The following PER3 variants were observed in gnomAD, a reference collection of about 807,000 sequenced individuals.
PER3 encodes period circadian regulator 3, also known as period circadian protein homolog 3.
Under a neutral mutation model 127.2 loss-of-function variants are expected in PER3, and 107 were observed. The ratio of observed to expected loss-of-function variants is 0.84; its 90% CI spans 0.72 to 0.99. The LOEUF is 0.99. Among genes scored for constraint, PER3 ranks in the 50% least tolerant of loss-of-function variants. The pLI is 0.00. For missense variants in PER3, 1,560 were observed against 1,525.8 expected, an observed-to-expected ratio of 1.02 and a Z score of -0.37; for synonymous variants, 618 against 585.8, an observed-to-expected ratio of 1.05 and a Z score of -0.79.
Position 7,827,738 on chromosome 1 carries a change from TTAC to T in PER3, c.2811_2813del (p.Leu937_Leu938delinsPhe). 1 of 1,614,052 alleles carries T rather than the reference TTAC, an allele frequency of 6.2e-7. No homozygotes were observed. The highest frequency in any genetic ancestry group is 8.5e-7 in the Non-Finnish European group (1 of 1,180,002). On this transcript the variant is annotated inframe_deletion, in exon 18 of 22. Coordinates refer to ENST00000377532, the MANE Select transcript of PER3 (RefSeq NM_001377275.1). ...AAGCAGCTCACCCTTGCAGTTAAAC[TTAC>T]TTCAGGAAGAGATGCCCAGACCCTC... is the stretch of plus-strand genomic sequence containing the variant.
intron 6 of PER3, among the ~76,000 whole-genome samples, chr1:7,797,768 T>C (rs2097152578): frequency 6.6e-6 from 1 of 152,092 alleles, no homozygotes; most frequent in South Asian, 2.1e-4. Context: ...AATGGATGAT[T>C]GGTAAAAGTT....
At chr1:7,814,208 T>C (rs1330265462) in intron 13 of PER3, among the ~76,000 whole-genome samples, 2 of 152,042 alleles carry the variant, frequency 1.3e-5, no homozygotes, top group Admixed American at 6.5e-5. Context: ...TCAGAAGAAA[T>C]AGTTGAAGAA....
chr1:7,816,416 G>A (rs11121029), intron 13 of PER3, among the ~76,000 whole-genome samples: 30,225 of 152,046 alleles, frequency 0.2, 3,196 homozygotes, highest in South Asian at 0.27. Context: ...TTATCTGAAA[G>A]GCACTGATAA....
chr1:7,806,229 C>T (rs142521336), intron 10 of PER3, among the ~76,000 whole-genome samples: 80 of 152,264 alleles, frequency 5.3e-4, no homozygotes, highest in African/African-American at 1.9e-3. Context: ...TCTCTCAGTC[C>T]TTCCCAGCAG....
intron 13 of PER3, among the ~76,000 whole-genome samples, chr1:7,815,724 G>A (rs997550751): frequency 2.6e-5 from 4 of 152,012 alleles, no homozygotes; most frequent in South Asian, 2.1e-4. Flanking sequence ...AGTGGCTCAC[G>A]CCTGTAATCC....
chr1:7,815,469 G>GA (rs1450467493), intron 13 of PER3, among the ~76,000 whole-genome samples: 2 of 152,190 alleles, frequency 1.3e-5, no homozygotes, highest in Non-Finnish European at 2.9e-5. Context: ...AGTAGAGTTA[G>GA]AAAGAGAGAC....
chr1:7,814,815 A>T (rs1347991971), intron 13 of PER3, among the ~76,000 whole-genome samples: 1 of 152,226 alleles, frequency 6.6e-6, no homozygotes, highest in Non-Finnish European at 1.5e-5. Context: ...TTGGGAATAT[A>T]CTATTAGTTC....
At chr1:7,796,399 A>G (rs1335781900) in intron 6 of PER3, among the ~76,000 whole-genome samples, 2 of 145,712 alleles carry the variant, frequency 1.4e-5, no homozygotes, top group African/African-American at 5.0e-5. Flanking sequence ...GCTCACTGCA[A>G]TCTCTGCCTC....
rs1489459147 is a variant in PER3 at position 7,784,973 on chromosome 1, T to C, written c.96T>C (p.His32=). 1 of 1,560,596 alleles carries C rather than the reference T, an allele frequency of 6.4e-7. No homozygotes were observed. Among genetic ancestry groups the C allele is most frequent in the Non-Finnish European group, 8.6e-7 (1 of 1,161,560 alleles). Reference sequence around the variant, plus strand: ...GGGAGCGGTGGAGCCCCGAGTTCCATCTGCAGAGGAAATTGGCGGACAGCA... The same window carrying C: ...GGGAGCGGTGGAGCCCCGAGTTCCACCTGCAGAGGAAATTGGCGGACAGCA... ...ESGERWSPEF[H]LQRKLADSSH... The change falls in exon 2 of 22, where the codon CAT becomes CAC. Residue 32 remains histidine (H), a synonymous_variant. Coordinates refer to ENST00000377532, the MANE Select transcript of PER3 (RefSeq NM_001377275.1).
Position 7,785,000 on chromosome 1 carries a change from C to T in PER3, c.123C>T (p.Ser41=), listed in dbSNP as rs770878123. 1 of 1,571,676 alleles carries T rather than the reference C, an allele frequency of 6.4e-7. No homozygotes were observed. The highest frequency in any genetic ancestry group is 8.6e-7 in the Non-Finnish European group (1 of 1,165,370). ...FHLQRKLADS[S]HSEQQDRNRV... ...TGCAGAGGAAATTGGCGGACAGCAGCCACAGGTGACGCGCTGGCTTCAGGC... is the reference window on the plus strand; with the variant it reads ...TGCAGAGGAAATTGGCGGACAGCAGTCACAGGTGACGCGCTGGCTTCAGGC... The change falls in exon 2 of 22, where the codon AGC becomes AGT. Residue 41 remains serine, a synonymous_variant. Coordinates refer to ENST00000377532, the MANE Select transcript of PER3 (RefSeq NM_001377275.1).
chr1:7,804,196 T>A (rs1026509739), intron 10 of PER3, among the ~76,000 whole-genome samples: 7 of 152,098 alleles, frequency 4.6e-5, no homozygotes, highest in African/African-American at 1.7e-4. Context: ...TACCTATGAT[T>A]ATAATTATGT....
At chr1:7,806,993 T>A (rs1222920765) in intron 10 of PER3, among the ~76,000 whole-genome samples, 1 of 151,936 alleles carries the variant, frequency 6.6e-6, no homozygotes, top group South Asian at 2.1e-4. Context: ...ACAATGTGTT[T>A]ATATTAGGAA....
intron 7 of PER3, among the ~76,000 whole-genome samples, chr1:7,799,110 T>A (rs982092368): frequency 6.6e-6 from 1 of 152,224 alleles, no homozygotes; most frequent in African/African-American, 2.4e-5. Context: ...TATTTCTAAA[T>A]GCATATATCA....
Position 7,819,388 on chromosome 1 carries a change from T to A in PER3, c.1626T>A (p.Tyr542Ter), listed in dbSNP as rs1017358222. ...GGAACGATGAGCACAGCCCATCCTATCAACAGATCAACTGTATCGACAGTG... is the reference window on the plus strand; with the variant it reads ...GGAACGATGAGCACAGCCCATCCTAACAACAGATCAACTGTATCGACAGTG... ...DLRNDEHSPS[Y>*]QQINCIDSVI... Residue 542 changes from tyrosine to a stop codon, truncating the protein, a stop_gained, in exon 14 of 22, where the codon TAT (tyrosine) becomes TAA (stop). Transcript: ENST00000377532. LOFTEE classifies it high-confidence loss of function. 1 of 1,613,902 alleles carries A rather than the reference T, an allele frequency of 6.2e-7. No individual in the cohort carries two copies. The highest frequency in any genetic ancestry group is 1.3e-5 in the African/African-American group (1 of 74,908).
intron 2 of PER3, 83 bp from the exon 3 acceptor site, chr1:7,785,358 C>T: frequency 1.8e-6 from 2 of 1,097,112 alleles, no homozygotes; most frequent in Non-Finnish European, 2.7e-6. Flanking sequence ...TAGAAACTTA[C>T]CTGGCTTGCA....
intron 13 of PER3, 157 bp downstream of exon 13, chr1:7,810,745 GTAA>G (rs1417861382): frequency 1.8e-5 from 10 of 548,442 alleles, no homozygotes; most frequent in Non-Finnish European, 2.8e-5. Flanking sequence ...AGCAATAGTA[GTAA>G]TAATAATGGC....
intron 13 of PER3, among the ~76,000 whole-genome samples, chr1:7,814,798 G>A (rs1381675527): frequency 1.3e-5 from 2 of 152,186 alleles, no homozygotes; most frequent in African/African-American, 4.8e-5. Flanking sequence ...AGGGTGGGAG[G>A]AAGTTATTGG....
chr1:7,790,221 A>G (rs1327924197), intron 5 of PER3, among the ~76,000 whole-genome samples: 1 of 152,204 alleles, frequency 6.6e-6, no homozygotes, highest in Non-Finnish European at 1.5e-5. Flanking sequence ...GAGACTGGGT[A>G]ATTAATAAAG....
rs1203409328 is a variant in PER3, at chr1:7,826,925, G to C, written c.2189-193G>C. ...TTTTGTGAGAAACTGATCGAGAGAT[G>C]CTGAAATAAGTTTATTTGATAGCAA... is the stretch of plus-strand genomic sequence containing the variant. On this transcript the variant is annotated intron_variant, in intron 17 of 21. Transcript: ENST00000377532. This position sits in a 1 kb window ranked among gnomAD's most constrained non-coding sequence, Gnocchi z 4.2. Among the ~76,000 whole-genome samples the C allele has an allele frequency of 6.6e-6, 1 of 152,072 alleles. No individual in the cohort carries two copies. Among genetic ancestry groups the C allele is most frequent in the Non-Finnish European group, 1.5e-5 (1 of 68,014 alleles).
Sources: gnomAD v4.1 joint callset for allele counts (sites outside exome capture counted in the v4.1 genomes callset) on GRCh38, gnomAD v4.1.1 for gene constraint, Gnocchi (gnomAD v3.1) non-coding constraint, MANE v1.5 for transcripts, NCBI Gene and HGNC (gene_info 2026-07-23, HGNC 2026-07-21) for gene names.